The following SLC15A5 variants were observed in gnomAD, a reference collection of about 807,000 sequenced individuals.
The protein encoded by SLC15A5 is Peptide/histidine transporter ENSP00000340402.
Under a neutral mutation model 56.1 loss-of-function variants are expected in SLC15A5, and 58 were observed. The ratio of observed to expected loss-of-function variants is 1.03; its 90% CI spans 0.84 to 1.29. The LOEUF (loss-of-function observed/expected upper bound fraction) is 1.29, where lower values mean the gene tolerates loss of function less well. Ranked by LOEUF, SLC15A5 falls within the 50% of genes most tolerant of loss-of-function variation. The pLI is 0.00. For missense variants in SLC15A5, 681 were observed against 672.1 expected, an observed-to-expected ratio of 1.01 and a Z score of -0.15; for synonymous variants, 264 against 250.5, an observed-to-expected ratio of 1.05 and a Z score of -0.51.
chr12:16,212,003 T>C (rs1179831621), intron 7 of SLC15A5, among the ~76,000 whole-genome samples: 1 of 152,200 alleles, frequency 6.6e-6, no homozygotes, highest in African/African-American at 2.4e-5. Flanking sequence ...ACTAACACTC[T>C]CACACACTCA....
At chr12:16,191,466 G>C (rs1338971812) in intron 8 of SLC15A5, among the ~76,000 whole-genome samples, 1 of 151,970 alleles carries the variant, frequency 6.6e-6, no homozygotes, top group African/African-American at 2.4e-5. Flanking sequence ...ACTATTACCT[G>C]GCTGTGAACA....
intron 5 of SLC15A5, among the ~76,000 whole-genome samples, chr12:16,233,636 G>A (rs1283545221): frequency 6.6e-6 from 1 of 152,152 alleles, no homozygotes; most frequent in East Asian, 1.9e-4. Context: ...GAGAGAAATT[G>A]TGGCATTTTA....
chr12:16,220,658 A>ATAGTT (rs1591646226), intron 6 of SLC15A5, among the ~76,000 whole-genome samples: 2 of 152,252 alleles, frequency 1.3e-5, no homozygotes, highest in East Asian at 3.8e-4. Flanking sequence ...TAATTGTAAC[A>ATAGTT]GAGACTGGCC....
Position 16,256,002 on chromosome 12 carries a change from CCAAGTATGGAAA to C in SLC15A5, c.754+1687_754+1698del, listed in dbSNP as rs1864568022. ...ACCAACATGAAGGGGACTTCACTGT[CCAAGTATGGAAA>C]CAAATTTGAGAATCACTAGCTGTAG... On this transcript the variant is annotated intron_variant, in intron 3 of 8. Coordinates refer to ENST00000344941, the MANE Select transcript of SLC15A5 (RefSeq NM_001170798.1). Among the ~76,000 whole-genome samples the C allele has an allele frequency of 2.6e-5, 4 of 152,142 alleles. No individual in the cohort carries two copies. In the East Asian group the frequency reaches 7.7e-4, roughly 29 times the overall value.
chr12:16,223,360 A>G (rs1489613822), intron 6 of SLC15A5, among the ~76,000 whole-genome samples: 1 of 152,212 alleles, frequency 6.6e-6, no homozygotes, highest in African/African-American at 2.4e-5. Flanking sequence ...TTGAGTTACA[A>G]TCAGGACTCC....
chr12:16,269,838 T>C lies in SLC15A5; in HGVS notation c.584+2723A>G, dbSNP rs918583774. Among the ~76,000 whole-genome samples the C allele has an allele frequency of 1.3e-5, 2 of 152,160 alleles. No individual in the cohort carries two copies. Among genetic ancestry groups the C allele is most frequent in the Non-Finnish European group, 2.9e-5 (2 of 68,014 alleles). ...AAGTAGAGAAATGCAGAAGCAAGAT[T>C]TGAGGTTAATTGTGGTAGAATTTAA... On this transcript the variant is annotated intron_variant, in intron 2 of 8. Coordinates refer to ENST00000344941, the MANE Select transcript of SLC15A5 (RefSeq NM_001170798.1). This position sits in a 1 kb window ranked among gnomAD's most constrained non-coding sequence, Gnocchi z 4.7.
At chr12:16,263,427 GT>G in intron 2 of SLC15A5, among the ~76,000 whole-genome samples, 1 of 152,046 alleles carries the variant, frequency 6.6e-6, no homozygotes, top group Non-Finnish European at 1.5e-5. Flanking sequence ...AAGGCATTCA[GT>G]TTTATAAGGG....
rs1864257510 is a variant in SLC15A5, at chr12:16,227,833, T to C, written c.1163-3231A>G. On this transcript the variant is annotated intron_variant, in intron 5 of 8. Transcript: ENST00000344941. ...AAAGGTCATGTGCTGGTTGGTAGAA[T>C]AGGAAAGATATTGGAGGTAGGAAGA... is the stretch of plus-strand genomic sequence containing the variant. 2.0e-5 allele frequency among the ~76,000 whole-genome samples: 3 copies of C among 152,132 alleles called. No homozygotes were observed. In the South Asian group the frequency reaches 6.2e-4, roughly 32 times the overall value.
intron 2 of SLC15A5, among the ~76,000 whole-genome samples, chr12:16,266,394 T>G (rs2136818080): frequency 6.6e-6 from 1 of 152,284 alleles, no homozygotes; most frequent in South Asian, 2.1e-4. Context: ...CTAAAGAGGG[T>G]CAAGGAAAAT....
At chr12:16,214,124 T>A (rs1864108363) in intron 7 of SLC15A5, among the ~76,000 whole-genome samples, 1 of 152,154 alleles carries the variant, frequency 6.6e-6, no homozygotes, top group Admixed American at 6.6e-5. Flanking sequence ...TCGTTACATT[T>A]AAAAAATTAG....
At chr12:16,194,324 T>G (rs1281997762) in intron 8 of SLC15A5, 21 bp downstream of exon 8, 1 of 1,482,846 alleles carries the variant, frequency 6.7e-7, no homozygotes, top group Non-Finnish European at 9.1e-7. Context: ...AAATTTTTCA[T>G]CTTACCACAC....
chr12:16,189,728 T>C lies in SLC15A5; in HGVS notation c.1680A>G (p.Lys560=). 6.5e-7 allele frequency: 1 copy of C among 1,530,780 alleles called. No individual in the cohort carries two copies. The highest frequency in any genetic ancestry group is 1.2e-5 in the South Asian group (1 of 82,588). 94.8% of individuals were successfully genotyped at this position (1,530,780 alleles called of 1,614,324 possible). ...ETLLLHEKSL[K]FYGSIQEFSS... is the part of the protein sequence containing the mutation. ...AAAATTCCTGTATACTGCCATAAAA[T>C]TTCAGAGATTTTTCGTGGAGGAGAA... Residue 560 remains lysine, a synonymous_variant, in exon 9 of 9, where the codon AAA becomes AAG. Transcript: ENST00000344941.
At chr12:16,245,863 T>C (rs577591845) in intron 3 of SLC15A5, among the ~76,000 whole-genome samples, 3 of 152,222 alleles carry the variant, frequency 2.0e-5, no homozygotes, top group Non-Finnish European at 4.4e-5. Flanking sequence ...TTATATGCCA[T>C]AGAGTCTTGG....
rs1021904253 is a variant in SLC15A5 at position 16,243,844 on chromosome 12, C to T, written c.975+736G>A. Among the ~76,000 whole-genome samples the T allele has an allele frequency of 1.3e-5, 2 of 152,148 alleles. No homozygotes were observed. Among genetic ancestry groups the T allele is most frequent in the African/African-American group, 4.8e-5 (2 of 41,436 alleles). On this transcript the variant is annotated intron_variant, in intron 4 of 8. Coordinates refer to ENST00000344941, the MANE Select transcript of SLC15A5 (RefSeq NM_001170798.1). This position sits in a 1 kb window ranked among gnomAD's most constrained non-coding sequence, Gnocchi z 4.4. ...AGTTAATCTCTAAATTTTGTTGCAG[C>T]TCTATTATTCTATGATTTCTAAATG...
At chr12:16,240,462 AC>A (rs1267450245) in intron 4 of SLC15A5, among the ~76,000 whole-genome samples, 4 of 152,186 alleles carry the variant, frequency 2.6e-5, no homozygotes, top group African/African-American at 9.6e-5. Context: ...GGAAAAAAAA[AC>A]CTTGTGTCTT....
intron 7 of SLC15A5, among the ~76,000 whole-genome samples, chr12:16,212,035 C>A (rs1226962584): frequency 6.6e-6 from 1 of 152,100 alleles, no homozygotes; most frequent in East Asian, 1.9e-4. Context: ...GCTCAGCTGA[C>A]ATGAATCCTT....
chr12:16,272,501 A>G, intron 2 of SLC15A5, 60 bp downstream of exon 2: 5 of 1,467,966 alleles, frequency 3.4e-6, no homozygotes, highest in Non-Finnish European at 4.6e-6. Context: ...AAATGGAATC[A>G]GAAAGTAAAC....
chr12:16,236,758 C>T (rs1161136895), intron 5 of SLC15A5, among the ~76,000 whole-genome samples: 1 of 152,086 alleles, frequency 6.6e-6, no homozygotes, highest in Non-Finnish European at 1.5e-5. Context: ...GGGCATGTGA[C>T]AGTATAAGGA....
chr12:16,276,532 C>G (rs1429045682), intron 1 of SLC15A5, among the ~76,000 whole-genome samples: 1 of 152,004 alleles, frequency 6.6e-6, no homozygotes, highest in Non-Finnish European at 1.5e-5. Context: ...TGATCTCTCT[C>G]TATTTAATTC....
Sources: gnomAD v4.1 joint callset for allele counts (sites outside exome capture counted in the v4.1 genomes callset) on GRCh38, gnomAD v4.1.1 for gene constraint, Gnocchi (gnomAD v3.1) non-coding constraint, MANE v1.5 for transcripts, NCBI Gene and HGNC (gene_info 2026-07-23, HGNC 2026-07-21) for gene names.